Variants in MARCHF6 observed in about 807,000 individuals in gnomAD.
MARCHF6 encodes membrane associated ring-CH-type finger 6.
MARCHF6 carries 31 observed loss-of-function variants against 133.7 expected under a neutral mutation model. That is an observed-to-expected ratio of 0.23 (90% CI 0.17 to 0.31). The LOEUF is 0.31. MARCHF6 is among the 10% of genes least tolerant of loss of function. The pLI is 1.00. For missense variants in MARCHF6, 723 were observed against 1,121.6 expected, an observed-to-expected ratio of 0.64 and a Z score of 5.08; for synonymous variants, 395 against 402.5, an observed-to-expected ratio of 0.98 and a Z score of 0.22.
intron 1 of MARCHF6, among the ~76,000 whole-genome samples, chr5:10,359,469 T>C (rs1452801527): frequency 6.6e-6 from 1 of 152,210 alleles, no homozygotes; most frequent in African/African-American, 2.4e-5. Flanking sequence ...GAATGCAGCA[T>C]ATAATACAGT....
At chr5:10,359,739 T>C (rs972341499) in intron 1 of MARCHF6, among the ~76,000 whole-genome samples, 3 of 152,322 alleles carry the variant, frequency 2.0e-5, no homozygotes, top group Non-Finnish European at 4.4e-5. Flanking sequence ...GTGCGGTGGC[T>C]CACGCCTGTA....
chr5:10,428,934 C>CT (rs1450686913), intron 24 of MARCHF6, among the ~76,000 whole-genome samples: 4 of 152,082 alleles, frequency 2.6e-5, no homozygotes, highest in Non-Finnish European at 5.9e-5. Context: ...TGTTTAGATG[C>CT]TTTATGTAAT....
At position 10,405,630 on chromosome 5, in the gene MARCHF6, A is replaced by G; in HGVS notation, c.1405A>G (p.Ile469Val). Residue 469 changes from isoleucine (I) to valine (V), a missense_variant, in exon 16 of 26, where the codon ATC becomes GTC. Transcript: ENST00000274140. Reference sequence around the variant, plus strand: ...AGATTTCAATCCAGTACAGGAAATGATCCATTTGCCAATATATAGGCATCT... The same window carrying G: ...AGATTTCAATCCAGTACAGGAAATGGTCCATTTGCCAATATATAGGCATCT... ...DPDFNPVQEM[I>V]HLPIYRHLRR... is the part of the protein sequence containing the mutation. 6.2e-7 allele frequency: 1 copy of G among 1,610,090 alleles called. No homozygotes were observed. Among genetic ancestry groups the G allele is most frequent in the Non-Finnish European group, 8.5e-7 (1 of 1,178,640 alleles).
intron 1 of MARCHF6, among the ~76,000 whole-genome samples, chr5:10,360,847 A>G (rs948170866): frequency 3.3e-5 from 5 of 152,214 alleles, no homozygotes; most frequent in African/African-American, 1.2e-4. Context: ...CAATTAGAAT[A>G]CTTTTTAGAC....
intron 25 of MARCHF6, among the ~76,000 whole-genome samples, chr5:10,430,796 A>G (rs1280339494): frequency 1.3e-5 from 2 of 152,218 alleles, no homozygotes; most frequent in African/African-American, 4.8e-5. Context: ...CTTGAGGGTT[A>G]CTGCAAAAAT....
In MARCHF6 at chr5:10,373,097, AAACTT is replaced by A. The variant is rs755969520; in HGVS notation, c.20-4698_20-4694del. 2.8e-3 allele frequency among the ~76,000 whole-genome samples: 430 copies of A among 152,112 alleles called. 1 individual carries two copies. The highest frequency in any genetic ancestry group is 4.3e-3 in the Non-Finnish European group (295 of 67,982). ...ACAAAACAACAACAACAGCAACAAA[AAACTT>A]AAGTGTTACTAGGATAGTAGTTGTG... On this transcript the variant is annotated intron_variant, in intron 1 of 25. Transcript: ENST00000274140.
At chr5:10,387,887 C>G (rs1737587694) in intron 5 of MARCHF6, among the ~76,000 whole-genome samples, 1 of 152,080 alleles carries the variant, frequency 6.6e-6, no homozygotes, top group African/African-American at 2.4e-5. Flanking sequence ...GTCTCAAACT[C>G]CTAACCTCAA....
intron 11 of MARCHF6, 175 bp from the exon 12 acceptor site, chr5:10,401,884 C>A: frequency 1.7e-6 from 1 of 591,222 alleles, no homozygotes; most frequent in South Asian, 2.3e-5. Flanking sequence ...ATATAACAGT[C>A]AGTGAGAGAA....
chr5:10,397,372 TATAG>T, intron 10 of MARCHF6, 28 bp downstream of exon 10: 2 of 1,492,274 alleles, frequency 1.3e-6, no homozygotes, highest in Non-Finnish European at 9.1e-7. Flanking sequence ...TTTTTTTTTT[TATAG>T]TATTATGGTA....
chr5:10,371,169 T>C (rs888763173), intron 1 of MARCHF6, among the ~76,000 whole-genome samples: 1 of 152,220 alleles, frequency 6.6e-6, no homozygotes, highest in African/African-American at 2.4e-5. Context: ...AGTTCAGTGA[T>C]ACCCTAGATC....
chr5:10,428,754 A>G (rs924020679), intron 24 of MARCHF6, among the ~76,000 whole-genome samples: 19 of 152,074 alleles, frequency 1.2e-4, no homozygotes, highest in African/African-American at 4.6e-4. Context: ...TTTTATTCTA[A>G]TTAGCATATA....
rs75742413 is a variant in MARCHF6, at chr5:10,380,957, G to T, written c.191-843G>T. Among the ~76,000 whole-genome samples the T allele has an allele frequency of 4.1e-3, 615 of 150,860 alleles. 4 individuals are homozygous for T. The highest frequency in any genetic ancestry group is 7.0e-3 in the Middle Eastern group (2 of 284). ...AAAAAAAAAAAGGTGCTATTTGTCA[G>T]TTGTTTATTTCTCAATGTTTATAGG... On this transcript the variant is annotated intron_variant, in intron 3 of 25. Transcript: ENST00000274140.
intron 1 of MARCHF6, among the ~76,000 whole-genome samples, chr5:10,364,509 C>T (rs989399915): frequency 4.6e-5 from 7 of 151,896 alleles, no homozygotes; most frequent in African/African-American, 1.7e-4. Flanking sequence ...AGTTTAACTG[C>T]CCCTAGCCAA....
At chr5:10,366,076 G>A (rs1736123679) in intron 1 of MARCHF6, among the ~76,000 whole-genome samples, 1 of 152,114 alleles carries the variant, frequency 6.6e-6, no homozygotes, top group Non-Finnish European at 1.5e-5. Flanking sequence ...GGGATTATAG[G>A]CGTGTGCTGC....
chr5:10,405,712 A>G, intron 16 of MARCHF6, 35 bp downstream of exon 16: 1 of 1,554,014 alleles, frequency 6.4e-7, no homozygotes, highest in Non-Finnish European at 8.6e-7. Flanking sequence ...TTTTTTTTGA[A>G]TTAATTGTGC....
At chr5:10,371,441 G>A (rs528468999) in intron 1 of MARCHF6, among the ~76,000 whole-genome samples, 3 of 152,306 alleles carry the variant, frequency 2.0e-5, no homozygotes, top group African/African-American at 7.2e-5. Context: ...TGTGGCTGGG[G>A]AAGCCTCACA....
At chr5:10,403,756 G>T (rs942951947) in intron 15 of MARCHF6, among the ~76,000 whole-genome samples, 3 of 152,098 alleles carry the variant, frequency 2.0e-5, no homozygotes, top group Admixed American at 6.5e-5. Context: ...TAATATTTCT[G>T]TCTGAGTTTG....
At chr5:10,422,545 C>T (rs1262102376) in intron 22 of MARCHF6, among the ~76,000 whole-genome samples, 13 of 152,060 alleles carry the variant, frequency 8.5e-5, no homozygotes, top group East Asian at 5.8e-4. Flanking sequence ...AATTTATAGA[C>T]GACTGGGTAA....
chr5:10,412,951 G>A (rs1739312578), intron 19 of MARCHF6, among the ~76,000 whole-genome samples: 1 of 152,116 alleles, frequency 6.6e-6, no homozygotes. Context: ...GGCCATGGGA[G>A]TGGTGAGGGA....
Sources: gnomAD v4.1 joint callset for allele counts (sites outside exome capture counted in the v4.1 genomes callset) on GRCh38, gnomAD v4.1.1 for gene constraint, MANE v1.5 for transcripts, NCBI Gene and HGNC (gene_info 2026-07-23, HGNC 2026-07-21) for gene names.